Variants in MAVS observed in about 807,000 individuals in gnomAD.
The protein encoded by MAVS is mitochondrial antiviral signaling protein.
A neutral mutation model predicts 30.2 loss-of-function variants in MAVS; 20 were observed. The observed-to-expected ratio is 0.66, with a 90% confidence interval of 0.47 to 0.96. The LOEUF (loss-of-function observed/expected upper bound fraction) is 0.96, where lower values mean the gene tolerates loss of function less well. Among genes scored for constraint, MAVS ranks in the 40% least tolerant of loss-of-function variants. The pLI, the probability that MAVS is intolerant of heterozygous loss-of-function variation, is 0.00. For missense variants in MAVS, 624 were observed against 701.1 expected (o/e 0.89, Z 1.24); for synonymous variants, 278 against 293.9 (o/e 0.95, Z 0.55).
At position 3,861,324 on chromosome 20, in the gene MAVS, T is replaced by C; in HGVS notation, c.293-8T>C. ...CCTTCTTGATATCACTACATCTTTG[T>C]CCTCTAGGGACCTCGGACCGTCCCC... On this transcript the variant is annotated splice_region_variant and splice_polypyrimidine_tract_variant and intron_variant, in intron 3 of 6. Coordinates refer to ENST00000428216, the MANE Select transcript of MAVS (RefSeq NM_020746.5). 6.2e-7 allele frequency: 1 copy of C among 1,606,094 alleles called. No individual in the cohort carries two copies. The highest frequency in any genetic ancestry group is 1.1e-5 in the South Asian group (1 of 90,362).
chr20:3,860,725 G>A (rs1399261506), intron 3 of MAVS, among the ~76,000 whole-genome samples: 1 of 151,560 alleles, frequency 6.6e-6, no homozygotes, highest in East Asian at 1.9e-4. Context: ...TGCCCAGGCT[G>A]GAGTGCAGTG....
In MAVS at chr20:3,862,276, C is replaced by A. The variant is rs141567699; in HGVS notation, c.488C>A (p.Thr163Lys). 1 of 1,613,694 alleles carries A rather than the reference C, an allele frequency of 6.2e-7. No individual in the cohort carries two copies. The highest frequency in any genetic ancestry group is 1.7e-5 in the Admixed American group (1 of 59,890). Residue 163 changes from threonine (T) to lysine (K), a missense_variant, in exon 5 of 7, where the codon ACG (threonine) becomes AAG (lysine). Transcript: ENST00000428216. ...PGENSEQALQ[T>K]LSPRAIPRNP... ...CAGAATTCAGAGCAAGCCCTGCAGA[C>A]GCTCAGCCCCAGAGCCATCCCAAGG...
chr20:3,857,931 A>G (rs774386507), intron 3 of MAVS, 122 bp downstream of exon 3: 1 of 1,138,678 alleles, frequency 8.8e-7, no homozygotes, highest in African/African-American at 1.5e-5. Flanking sequence ...CTGTGAAGCG[A>G]TGAATAAACC....
chr20:3,855,177 C>T (rs990203779), intron 2 of MAVS, among the ~76,000 whole-genome samples: 1 of 152,166 alleles, frequency 6.6e-6, no homozygotes, highest in Non-Finnish European at 1.5e-5. Context: ...GCGTGAGCCA[C>T]CGCACCCTTG....
intron 3 of MAVS, among the ~76,000 whole-genome samples, chr20:3,859,012 C>G (rs2146767541): frequency 6.6e-6 from 1 of 152,126 alleles, no homozygotes; most frequent in African/African-American, 2.4e-5. Context: ...GTTGCCCAGG[C>G]TGGTCTCAAA....
chr20:3,866,527 T>C lies in MAVS; in HGVS notation c.*380T>C. 2.9e-6 allele frequency: 1 copy of C among 343,202 alleles called. No individual in the cohort carries two copies. Among genetic ancestry groups the C allele is most frequent in the South Asian group, 2.9e-5 (1 of 33,998 alleles). The allele number at this position is 343,202 out of a possible 1,614,324, so 21.3% of individuals were successfully genotyped here. A position where few individuals can be genotyped will look rare whatever the true frequency, so the allele number is the denominator to read the frequency against. On this transcript the variant is annotated 3_prime_UTR_variant, in exon 7 of 7. Coordinates refer to ENST00000428216, the MANE Select transcript of MAVS (RefSeq NM_020746.5). ...GGAACATGTGGTGCTTGGGAATGCC[T>C]CTCCTGTTGCATTGGTCCCTGAAGG...
chr20:3,854,104 C>G (rs1448101249), intron 1 of MAVS, among the ~76,000 whole-genome samples: 1 of 151,694 alleles, frequency 6.6e-6, no homozygotes, highest in African/African-American at 2.4e-5. Flanking sequence ...AGCCCGAGAC[C>G]CCATCTCTTA....
intron 1 of MAVS, 52 bp from the exon 2 acceptor site, chr20:3,854,506 C>A: frequency 1.7e-6 from 1 of 586,804 alleles, no homozygotes; most frequent in Non-Finnish European, 3.0e-6. Flanking sequence ...TTTGTCCAGC[C>A]CCACTCCCAA....
At chr20:3,861,153 C>T (rs544825141) in intron 3 of MAVS, among the ~76,000 whole-genome samples, 179 bp from the exon 4 acceptor site, 45 of 152,116 alleles carry the variant, frequency 3.0e-4, no homozygotes, top group Admixed American at 1.1e-3. Context: ...CCACCATGCC[C>T]GGCTAATAAT....
At chr20:3,853,972 ATTT>A (rs1400338689) in intron 1 of MAVS, among the ~76,000 whole-genome samples, 167 of 83,772 alleles carry the variant, frequency 2.0e-3, no homozygotes, top group African/African-American at 7.7e-3. Flanking sequence ...TTTTTTTTGT[ATTT>A]TTAGTAGAGA....
intron 2 of MAVS, among the ~76,000 whole-genome samples, 160 bp downstream of exon 2, chr20:3,854,901 T>C (rs2089796913): frequency 1.3e-5 from 2 of 149,516 alleles, no homozygotes; most frequent in South Asian, 4.3e-4. Flanking sequence ...CTTTTTTTTT[T>C]TTTTTTTTGA....
intron 1 of MAVS, among the ~76,000 whole-genome samples, chr20:3,847,894 T>C (rs929800371): frequency 2.0e-5 from 3 of 152,172 alleles, no homozygotes; most frequent in African/African-American, 7.2e-5. Context: ...TGTCACGGGA[T>C]TGGGGAAGGA....
rs1010642436 is a variant in MAVS, at chr20:3,857,062, A to C, written c.118-573A>C. On this transcript the variant is annotated intron_variant, in intron 2 of 6. Coordinates refer to ENST00000428216, the MANE Select transcript of MAVS (RefSeq NM_020746.5). The stretch of plus-strand genomic sequence containing the variant: ...AAAAAAAAAAAAAAAAAGAAACAAA[A>C]AAACTCTGCAGCCACTGTCATCTGC... Among the ~76,000 whole-genome samples, 6 of 151,730 alleles carry C rather than the reference A, an allele frequency of 4.0e-5. No homozygotes were observed. In the South Asian group the frequency reaches 1.3e-3, roughly 32 times the overall value.
At chr20:3,852,774 C>T (rs1399035776) in intron 1 of MAVS, among the ~76,000 whole-genome samples, 1 of 151,848 alleles carries the variant, frequency 6.6e-6, no homozygotes, top group African/African-American at 2.4e-5. Context: ...AAGCGATCCT[C>T]CTGCCCTAGC....
At chr20:3,859,840 G>A (rs1309669747) in intron 3 of MAVS, among the ~76,000 whole-genome samples, 1 of 150,944 alleles carries the variant, frequency 6.6e-6, no homozygotes, top group Non-Finnish European at 1.5e-5. Context: ...TTTTTGAAAT[G>A]GAGTTTCGCT....
At position 3,866,179 on chromosome 20, in the gene MAVS, G is replaced by T. The variant is rs762193818; in HGVS notation, c.*32G>T. 2.6e-6 allele frequency: 4 copies of T among 1,533,580 alleles called. No individual in the cohort carries two copies. The highest frequency in any genetic ancestry group is 3.5e-6 in the Non-Finnish European group (4 of 1,143,526). 95.0% of individuals were successfully genotyped at this position (1,533,580 alleles called of 1,614,324 possible). A position where few individuals can be genotyped will look rare whatever the true frequency, so the allele number is the denominator to read the frequency against. On this transcript the variant is annotated 3_prime_UTR_variant, in exon 7 of 7. Coordinates refer to ENST00000428216, the MANE Select transcript of MAVS (RefSeq NM_020746.5). ...CCTGGGCTCTTCCCACCACCCATCT[G>T]TTCCGTTCCTGCAGTACACCTGGCC... is the stretch of plus-strand genomic sequence containing the variant.
intron 3 of MAVS, among the ~76,000 whole-genome samples, chr20:3,860,053 G>A (rs886952538): frequency 2.2e-4 from 34 of 152,004 alleles, no homozygotes; most frequent in Admixed American, 1.1e-3. Context: ...TCCTGACCTC[G>A]TGATCCACCC....
rs12624855 is a variant in MAVS at position 3,875,973 on chromosome 20, C to T, written c.*9826C>T. 1 of 152,248 alleles carries T rather than the reference C, an allele frequency of 6.6e-6. No individual in the cohort carries two copies. Among genetic ancestry groups the T allele is most frequent in the African/African-American group, 2.4e-5 (1 of 41,412 alleles). The allele number at this position is 152,248 out of a possible 1,614,324, so 9.4% of individuals were successfully genotyped here. A position where few individuals can be genotyped will look rare whatever the true frequency, so the allele number is the denominator to read the frequency against. On this transcript the variant is annotated 3_prime_UTR_variant, in exon 7 of 7. Transcript: ENST00000428216. The stretch of plus-strand genomic sequence containing the variant: ...AATCGGCTTCTTGCAGGAGGCGTAT[C>T]CAAAGGAATTGGAGAAGAGATAAAC...
intron 1 of MAVS, among the ~76,000 whole-genome samples, chr20:3,848,521 G>C (rs557103226): frequency 6.6e-6 from 1 of 152,346 alleles, no homozygotes; most frequent in East Asian, 1.9e-4. Context: ...CACGAGGAAT[G>C]TAGCAGGGCC....
Sources: gnomAD v4.1 joint callset for allele counts (sites outside exome capture counted in the v4.1 genomes callset) on GRCh38, gnomAD v4.1.1 for gene constraint, MANE v1.5 for transcripts, NCBI Gene and HGNC (gene_info 2026-07-23, HGNC 2026-07-21) for gene names.